The following PTK2B variants were observed in gnomAD, a reference collection of about 807,000 sequenced individuals.
The protein encoded by PTK2B is protein tyrosine kinase 2 beta.
In PTK2B, 71 loss-of-function variants were observed where a neutral mutation model predicts 142.9. The observed-to-expected ratio is 0.50, with a 90% CI of 0.41 to 0.61. PTK2B has a LOEUF of 0.61. Among genes scored for constraint, PTK2B ranks in the 20% least tolerant of loss-of-function variants. The pLI, the probability that PTK2B is intolerant of heterozygous loss-of-function variation, is 0.00. For synonymous variants in PTK2B, 519 were observed against 503.4 expected, an observed-to-expected ratio of 1.03 and a Z score of -0.42; for missense variants, 1,105 against 1,320.4, an observed-to-expected ratio of 0.84 and a Z score of 2.53.
At chr8:27,376,227 G>A (rs1471962742) in intron 1 of PTK2B, among the ~76,000 whole-genome samples, 2 of 152,242 alleles carry the variant, frequency 1.3e-5, no homozygotes, top group African/African-American at 2.4e-5. Context: ...GCCAATCTGG[G>A]CAGGACCAAT....
chr8:27,453,064 G>C (rs1811917607), intron 27 of PTK2B, 50 bp from the exon 28 acceptor site: 2 of 1,604,736 alleles, frequency 1.2e-6, no homozygotes, highest in Non-Finnish European at 1.7e-6. Flanking sequence ...ACGAAGGGAA[G>C]GGTTGGAGTG....
chr8:27,401,252 C>A (rs558650902), intron 2 of PTK2B, among the ~76,000 whole-genome samples: 2 of 130,802 alleles, frequency 1.5e-5, no homozygotes, highest in South Asian at 4.8e-4. Flanking sequence ...ACCAGGAGAA[C>A]AAGAGCAAGA....
At chr8:27,323,026 T>C (rs1008856366), upstream of PTK2B, among the ~76,000 whole-genome samples, 2 of 152,250 alleles carry the variant, frequency 1.3e-5, no homozygotes, top group Non-Finnish European at 2.9e-5. Context: ...TCCATTCTTG[T>C]GGTTTCAAAT....
intron 5 of PTK2B, among the ~76,000 whole-genome samples, chr8:27,426,988 T>G (rs970977902): frequency 2.0e-5 from 3 of 152,216 alleles, no homozygotes; most frequent in African/African-American, 7.2e-5. Flanking sequence ...CGAAGTTCAT[T>G]TATTCATTCA....
At chr8:27,426,515 G>A (rs973841568) in intron 5 of PTK2B, among the ~76,000 whole-genome samples, 7 of 152,184 alleles carry the variant, frequency 4.6e-5, no homozygotes, top group African/African-American at 1.4e-4. Flanking sequence ...CTACCTTACT[G>A]GGGAGAGCAG....
intron 1 of PTK2B, among the ~76,000 whole-genome samples, chr8:27,339,232 G>C (rs1804247993): frequency 6.6e-6 from 1 of 152,302 alleles, no homozygotes; most frequent in African/African-American, 2.4e-5. Context: ...GGGACCTTTA[G>C]GCTTGTGACA....
chr8:27,391,503 A>G (rs527585881), intron 1 of PTK2B, among the ~76,000 whole-genome samples: 1 of 152,192 alleles, frequency 6.6e-6, no homozygotes, highest in African/African-American at 2.4e-5. Flanking sequence ...ACTGAACACA[A>G]CATGTGTAAC....
intron 1 of PTK2B, among the ~76,000 whole-genome samples, chr8:27,354,517 T>G (rs1334353648): frequency 6.6e-6 from 1 of 152,138 alleles, no homozygotes; most frequent in Non-Finnish European, 1.5e-5. Context: ...TCACCTGCAA[T>G]CTATGTGCAA....
chr8:27,374,318 T>C (rs192703675), intron 1 of PTK2B, among the ~76,000 whole-genome samples: 92 of 152,340 alleles, frequency 6.0e-4, no homozygotes, highest in Non-Finnish European at 1.2e-3. Flanking sequence ...GGATCTGTTT[T>C]AATCCAGTAT....
chr8:27,421,329 A>G (rs1197094421), intron 4 of PTK2B, among the ~76,000 whole-genome samples: 1 of 131,776 alleles, frequency 7.6e-6, no homozygotes, highest in Non-Finnish European at 1.7e-5. Context: ...TATTTATTTC[A>G]ATGGGTTTTT....
At chr8:27,392,081 A>AT (rs1807760494) in intron 1 of PTK2B, among the ~76,000 whole-genome samples, 2 of 152,200 alleles carry the variant, frequency 1.3e-5, no homozygotes, top group Non-Finnish European at 2.9e-5. Context: ...GCATCAGAGG[A>AT]TTTTGTGATC....
chr8:27,332,451 C>T (rs1272984989), intron 1 of PTK2B, among the ~76,000 whole-genome samples: 4 of 152,174 alleles, frequency 2.6e-5, no homozygotes, highest in Non-Finnish European at 4.4e-5. Flanking sequence ...CTCTGCCTGT[C>T]TGACATCGCC....
At chr8:27,408,910 T>A (rs1174264282) in intron 2 of PTK2B, among the ~76,000 whole-genome samples, 1 of 152,128 alleles carries the variant, frequency 6.6e-6, no homozygotes, top group Non-Finnish European at 1.5e-5. Flanking sequence ...AAATTAAAGA[T>A]CAAGGTGTCA....
chr8:27,356,784 T>C (rs1171024617), intron 1 of PTK2B, among the ~76,000 whole-genome samples: 1 of 152,244 alleles, frequency 6.6e-6, no homozygotes, highest in East Asian at 1.9e-4. Context: ...AAGGGTATTA[T>C]GCTGAATGAA....
chr8:27,331,146 A>G (rs548259989), intron 1 of PTK2B, among the ~76,000 whole-genome samples: 298 of 152,284 alleles, frequency 2.0e-3, no homozygotes, highest in Non-Finnish European at 3.3e-3. Flanking sequence ...GCTCGGTACC[A>G]GGTTTAATTC....
intron 1 of PTK2B, among the ~76,000 whole-genome samples, chr8:27,356,573 T>G (rs1212392746): frequency 6.6e-6 from 1 of 152,338 alleles, no homozygotes; most frequent in East Asian, 1.9e-4. Flanking sequence ...GTATAGATCC[T>G]CACTGCTCAC....
rs547944072 is a variant in PTK2B, at chr8:27,327,361, A to G, written c.-38+1680A>G. On this transcript the variant is annotated intron_variant, in intron 1 of 30. Transcript: ENST00000346049. ...CAGGAAGAGATTGCCAGATTTAGCC[A>G]ATAAAAGCACGGGACACTCAGATTT... Among the ~76,000 whole-genome samples the G allele has an allele frequency of 1.1e-4, 17 of 152,286 alleles. No homozygotes were observed. The South Asian group carries it at 2.3e-3, about 20-fold the overall frequency.
chr8:27,311,283 C>G (rs187030096), upstream of PTK2B: 2 of 1,449,680 alleles, frequency 1.4e-6, no homozygotes, highest in East Asian at 2.5e-5. Flanking sequence ...TCCGGCCCCT[C>G]CCACCCGCCC....
upstream of PTK2B, among the ~76,000 whole-genome samples, chr8:27,320,979 G>GTTTTT (rs1257774872): frequency 3.1e-5 from 1 of 32,658 alleles, no homozygotes; most frequent in African/African-American, 1.0e-4. Context: ...CATACAAAAG[G>GTTTTT]CTTTTTTTTT....
Sources: allele counts gnomAD v4.1 joint callset (sites outside exome capture counted in the v4.1 genomes callset), GRCh38; gene constraint gnomAD v4.1.1; transcripts MANE v1.5; gene names NCBI Gene and HGNC (gene_info 2026-07-23, HGNC 2026-07-21).